The following IGF2BP1 variants were observed in gnomAD, a reference collection of about 807,000 sequenced individuals.
IGF2BP1 encodes the protein insulin-like growth factor 2 mRNA-binding protein 1.
A neutral mutation model predicts 74.9 loss-of-function variants in IGF2BP1; 11 were observed. The ratio of observed to expected loss-of-function variants is 0.15; its 90% CI spans 0.09 to 0.24. The LOEUF is 0.24. Ranked by LOEUF, IGF2BP1 falls within the 10% of genes least tolerant of loss-of-function variation. IGF2BP1 has a pLI of 1.00. For synonymous variants in IGF2BP1, 287 were observed against 281.8 expected (o/e 1.02, Z -0.18); for missense variants, 440 against 757.4 (o/e 0.58, Z 4.92).
intron 14 of IGF2BP1, among the ~76,000 whole-genome samples, chr17:49,047,842 G>A (rs1249703375): frequency 1.3e-5 from 2 of 151,818 alleles, no homozygotes; most frequent in Non-Finnish European, 2.9e-5. Context: ...GGCCCCCCAA[G>A]TAGCTGGGAC....
chr17:49,027,418 G>T (rs574508659), intron 4 of IGF2BP1, among the ~76,000 whole-genome samples: 2 of 152,198 alleles, frequency 1.3e-5, no homozygotes, highest in Admixed American at 1.3e-4. Flanking sequence ...TAGAAGCTCT[G>T]ATTGGTAGCA....
chr17:49,041,354 C>T (rs373388523), intron 7 of IGF2BP1, 24 bp from the exon 8 acceptor site: 5 of 1,612,628 alleles, frequency 3.1e-6, no homozygotes, highest in Non-Finnish European at 3.4e-6. Context: ...TCTTGTCTTC[C>T]ACTTCTTCCT....
rs940367708 is a variant in IGF2BP1, at chr17:49,020,918, CAGG to C, written c.237-4697_237-4695del. Among the ~76,000 whole-genome samples, 9 of 148,630 alleles carry C rather than the reference CAGG, an allele frequency of 6.1e-5. No individual in the cohort carries two copies. The Admixed American group carries it at 6.1e-4, about 10-fold the overall frequency. On this transcript the variant is annotated intron_variant, in intron 2 of 14. Transcript: ENST00000290341. ...GGTGGGAGGATCGCTTGAGGACAGACAGGAGTGTGAGACCAGCCTCGAAAACAT... is the reference window on the plus strand; with the variant it reads ...GGTGGGAGGATCGCTTGAGGACAGACAGTGTGAGACCAGCCTCGAAAACAT...
chr17:49,031,490 TTTTC>T (rs2041920661), intron 4 of IGF2BP1, among the ~76,000 whole-genome samples: 1 of 151,928 alleles, frequency 6.6e-6, no homozygotes, highest in African/African-American at 2.4e-5. Context: ...CCAGGTGTCC[TTTTC>T]TTTCTTCTTT....
chr17:49,014,379 C>G (rs1298993661), intron 2 of IGF2BP1, among the ~76,000 whole-genome samples: 2 of 151,506 alleles, frequency 1.3e-5, no homozygotes, highest in African/African-American at 4.9e-5. Context: ...CCCTGCTCCA[C>G]CGCGAGGGGC....
Position 48,999,949 on chromosome 17 carries a change from T to TGTGTGTGTGTGTGTTC in IGF2BP1, c.236+789_236+804dup, listed in dbSNP as rs1555593983. Among the ~76,000 whole-genome samples the TGTGTGTGTGTGTGTTC allele has an allele frequency of 2.7e-3, 416 of 151,382 alleles. 2 individuals carry two copies. The highest frequency in any genetic ancestry group is 7.6e-3 in the African/African-American group (311 of 41,090). On this transcript the variant is annotated intron_variant, in intron 2 of 14. Coordinates refer to ENST00000290341, the MANE Select transcript of IGF2BP1 (RefSeq NM_006546.4). ...GTGTGTGTGTGTGTGTGTGTGTGTG[T>TGTGTGTGTGTGTGTTC]GTGTGTGTGTGTGTTCGTGTGTGTT... is the stretch of plus-strand genomic sequence containing the variant.
At chr17:49,029,163 CT>C (rs35814977) in intron 4 of IGF2BP1, among the ~76,000 whole-genome samples, 51,255 of 151,994 alleles carry the variant, frequency 0.34, 9,178 homozygotes, top group African/African-American at 0.42. Context: ...GTAGAACTTG[CT>C]TATTTATTAT....
At chr17:48,998,277 C>G (rs923648526) in intron 1 of IGF2BP1, among the ~76,000 whole-genome samples, 1 of 152,170 alleles carries the variant, frequency 6.6e-6, no homozygotes, top group African/African-American at 2.4e-5. Flanking sequence ...CACGCCCAGC[C>G]CCTCCCTATC....
intron 6 of IGF2BP1, 28 bp downstream of exon 6, chr17:49,038,477 G>A: frequency 6.9e-7 from 1 of 1,450,904 alleles, no homozygotes; most frequent in Non-Finnish European, 9.1e-7. Flanking sequence ...GGGAATGGAG[G>A]TTGGGTGCTA....
chr17:49,026,507 C>T lies in IGF2BP1; in HGVS notation c.327C>T (p.Asn109=). ...TGGCTCAGTATGGTACAGTAGAGAA[C>T]TGTGAGCAAGGTAAGAGTGGGCCGG... is the stretch of plus-strand genomic sequence containing the variant. ...SLLAQYGTVE[N]CEQVNTESET... is the part of the protein sequence containing the mutation. Residue 109 remains asparagine (N), a synonymous_variant, in exon 4 of 15, where the codon AAC becomes AAT. Coordinates refer to ENST00000290341, the MANE Select transcript of IGF2BP1 (RefSeq NM_006546.4). 6.2e-7 allele frequency: 1 copy of T among 1,614,082 alleles called. No individual in the cohort carries two copies. The highest frequency in any genetic ancestry group is 8.5e-7 in the Non-Finnish European group (1 of 1,179,956).
At chr17:49,044,236 G>A (rs1319105890) in intron 11 of IGF2BP1, 150 bp downstream of exon 11, 7 of 1,199,180 alleles carry the variant, frequency 5.8e-6, no homozygotes, top group Non-Finnish European at 8.0e-6. Context: ...AGTCCTCTTT[G>A]TTTTTGATCT....
At chr17:49,044,406 G>A (rs1266105265) in intron 11 of IGF2BP1, among the ~76,000 whole-genome samples, 1 of 152,118 alleles carries the variant, frequency 6.6e-6, no homozygotes, top group Non-Finnish European at 1.5e-5. Context: ...TATATGATCT[G>A]AGCCTCACTT....
chr17:48,998,592 C>T (rs1245222347), intron 1 of IGF2BP1, among the ~76,000 whole-genome samples: 2 of 152,182 alleles, frequency 1.3e-5, no homozygotes, highest in Admixed American at 6.5e-5. Flanking sequence ...CAGTGAGGGA[C>T]CCTCCCCGCC....
intron 4 of IGF2BP1, among the ~76,000 whole-genome samples, chr17:49,029,299 C>A (rs962155883): frequency 6.6e-6 from 1 of 152,180 alleles, no homozygotes; most frequent in African/African-American, 2.4e-5. Flanking sequence ...GAGAGACCTA[C>A]TGATGAAGAC....
chr17:49,028,144 G>A (rs145525641), intron 4 of IGF2BP1, among the ~76,000 whole-genome samples: 13 of 152,268 alleles, frequency 8.5e-5, no homozygotes, highest in African/African-American at 2.6e-4. Context: ...GCCTGGGTAA[G>A]CAAGACTCTG....
At chr17:48,998,693 A>G (rs2041440935) in intron 1 of IGF2BP1, among the ~76,000 whole-genome samples, 1 of 151,608 alleles carries the variant, frequency 6.6e-6, no homozygotes, top group Non-Finnish European at 1.5e-5. Flanking sequence ...TTCCTGGCCA[A>G]CAGAGAAAAA....
At chr17:49,026,291 G>A in intron 3 of IGF2BP1, 175 bp from the exon 4 acceptor site, 1 of 580,278 alleles carries the variant, frequency 1.7e-6, no homozygotes, top group Non-Finnish European at 3.1e-6. Flanking sequence ...CTCCTGCAAA[G>A]ATACCCCATC....
At chr17:48,998,430 G>C (rs936538754) in intron 1 of IGF2BP1, among the ~76,000 whole-genome samples, 1 of 152,244 alleles carries the variant, frequency 6.6e-6, no homozygotes, top group Non-Finnish European at 1.5e-5. Flanking sequence ...GGACTTGCAA[G>C]GAAGGGGGTC....
At position 49,031,856 on chromosome 17, in the gene IGF2BP1, T is replaced by C. The variant is rs374908731; in HGVS notation, c.338-54T>C. On this transcript the variant is annotated intron_variant, in intron 4 of 14. Coordinates refer to ENST00000290341, the MANE Select transcript of IGF2BP1 (RefSeq NM_006546.4). ...TGGAAAGCTGGAGTTGGGGATTCAT[T>C]GATTGGGCCTCCAGATTTCCCTGCT... is the stretch of plus-strand genomic sequence containing the variant. The C allele has an allele frequency of 5.1e-5, 77 of 1,506,748 alleles. 1 individual carries two copies. In the Middle Eastern group the frequency reaches 1.2e-3, roughly 24 times the overall value. The allele number at this position is 1,506,748 out of a possible 1,614,324, so 93.3% of individuals were successfully genotyped here. A position where few individuals can be genotyped will look rare whatever the true frequency, so the allele number is the denominator to read the frequency against.
Sources: allele counts gnomAD v4.1 joint callset (sites outside exome capture counted in the v4.1 genomes callset), GRCh38; gene constraint gnomAD v4.1.1; transcripts MANE v1.5; gene names NCBI Gene and HGNC (gene_info 2026-07-23, HGNC 2026-07-21).